MAP3K4: variants seen among roughly 807,000 people sequenced by gnomAD.
MAP3K4 encodes the protein MAP three kinase 1.
A neutral mutation model predicts 185.6 loss-of-function variants in MAP3K4; 67 were observed. The observed-to-expected ratio is 0.36, with a 90% CI of 0.30 to 0.44. The LOEUF (loss-of-function observed/expected upper bound fraction) is 0.44, where lower values mean the gene tolerates loss of function less well. MAP3K4 is among the 20% of genes least tolerant of loss of function. The probability of loss-of-function intolerance (pLI) is 1.00; values close to 1 mark genes in which losing one functional copy is unlikely to be tolerated. For missense variants in MAP3K4, 1,551 were observed against 1,995.1 expected (o/e 0.78, Z 4.24); for synonymous variants, 702 against 710.4 (o/e 0.99, Z 0.19).
In MAP3K4 at chr6:161,098,444, A is replaced by C; in HGVS notation, c.3674+17A>C. 1 of 1,608,800 alleles carries C rather than the reference A, an allele frequency of 6.2e-7. No homozygotes were observed. Among genetic ancestry groups the C allele is most frequent in the Non-Finnish European group, 8.5e-7 (1 of 1,176,600 alleles). ...TGATACCAGGTAGTCTCACCCCACC[A>C]GTGTCCCGTACCCTCACCACCCCTT... On this transcript the variant is annotated intron_variant, in intron 17 of 26. Coordinates refer to ENST00000392142, the MANE Select transcript of MAP3K4 (RefSeq NM_005922.4). This position sits in a 1 kb window ranked among gnomAD's most constrained non-coding sequence, Gnocchi z 4.4.
At position 161,080,913 on chromosome 6, in the gene MAP3K4, A is replaced by G. The variant is rs112495675; in HGVS notation, c.2130A>G (p.Gln710=). The G allele has an allele frequency of 6.2e-7, 1 of 1,614,108 alleles. No individual in the cohort carries two copies. The highest frequency in any genetic ancestry group is 1.1e-5 in the South Asian group (1 of 91,072). Residue 710 remains glutamine (Q), a synonymous_variant, in exon 6 of 27, where the codon CAA becomes CAG. Transcript: ENST00000392142. This position sits in a 1 kb window ranked among gnomAD's most constrained non-coding sequence, Gnocchi z 4.8. The stretch of plus-strand genomic sequence containing the variant: ...TTGATTACATGAGAAGCTGGATCCA[A>G]ATGCTACAGCAATTACCTCAAGCAT... ...VYFDYMRSWI[Q]MLQQLPQASH...
chr6:160,997,479 A>C (rs1781052602), intron 1 of MAP3K4, among the ~76,000 whole-genome samples: 1 of 152,250 alleles, frequency 6.6e-6, no homozygotes, highest in Non-Finnish European at 1.5e-5. Context: ...AATAGTGTTT[A>C]GTGACATGTG....
In MAP3K4 at chr6:161,108,712, C is replaced by A. The variant is rs2064295995; in HGVS notation, c.4120-31C>A. On this transcript the variant is annotated intron_variant, in intron 21 of 26. Transcript: ENST00000392142. The surrounding 1 kb of genome is among the most constrained non-coding windows in gnomAD (Gnocchi z 5.7). ...ATAATGTAGAGTGATTAAATCAAGCCAGTTAACATTTTTGTCACCTCACTT... is the reference window on the plus strand; with the variant it reads ...ATAATGTAGAGTGATTAAATCAAGCAAGTTAACATTTTTGTCACCTCACTT... 2 of 1,251,844 alleles carry A rather than the reference C, an allele frequency of 1.6e-6. No individual in the cohort carries two copies. The highest frequency in any genetic ancestry group is 1.7e-5 in the Admixed American group (1 of 59,528). The allele number at this position is 1,251,844 out of a possible 1,614,324, so 77.5% of individuals were successfully genotyped here. A position where few individuals can be genotyped will look rare whatever the true frequency, so the allele number is the denominator to read the frequency against.
rs924216383 is a variant in MAP3K4 at position 161,037,298 on chromosome 6, T to C, written c.343+2849T>C. 2.0e-5 allele frequency among the ~76,000 whole-genome samples: 3 copies of C among 152,110 alleles called. No homozygotes were observed. Among genetic ancestry groups the C allele is most frequent in the East Asian group, 1.9e-4 (1 of 5,192 alleles). ...ACCCGGACTCCAGTCCTGGTTCCGC[T>C]ATCTTCTGCGTATGCAGCCTCCATA... On this transcript the variant is annotated intron_variant, in intron 2 of 26. Coordinates refer to ENST00000392142, the MANE Select transcript of MAP3K4 (RefSeq NM_005922.4). This position sits in a 1 kb window ranked among gnomAD's most constrained non-coding sequence, Gnocchi z 4.2.
chr6:161,113,569 G>A (rs184605680), intron 25 of MAP3K4, among the ~76,000 whole-genome samples: 2 of 152,128 alleles, frequency 1.3e-5, no homozygotes, highest in Admixed American at 1.3e-4. Flanking sequence ...TCTAAAAAAT[G>A]GAGCACACTA....
chr6:161,095,062 C>T (rs1326808849), intron 15 of MAP3K4, among the ~76,000 whole-genome samples: 1 of 152,180 alleles, frequency 6.6e-6, no homozygotes, highest in Non-Finnish European at 1.5e-5. Context: ...ACTCATACTT[C>T]CTGAATCCAA....
In MAP3K4 at chr6:161,077,250, T is replaced by C. The variant is rs983369484; in HGVS notation, c.2098-3631T>C. 1.3e-5 allele frequency among the ~76,000 whole-genome samples: 2 copies of C among 152,162 alleles called. No individual in the cohort carries two copies. The highest frequency in any genetic ancestry group is 4.8e-5 in the African/African-American group (2 of 41,430). ...GAGAGAACAAAGGAGAAACTAACTT[T>C]CTGGTACCTTATTTCTTATTGAAAA... is the stretch of plus-strand genomic sequence containing the variant. On this transcript the variant is annotated intron_variant, in intron 5 of 26. Transcript: ENST00000392142. The surrounding 1 kb of genome is among the most constrained non-coding windows in gnomAD (Gnocchi z 4.3).
chr6:160,998,157 C>T (rs1363499247), intron 1 of MAP3K4, among the ~76,000 whole-genome samples: 1 of 152,158 alleles, frequency 6.6e-6, no homozygotes, highest in East Asian at 1.9e-4. Context: ...CAGGTGCGCA[C>T]CACCACACTG....
In MAP3K4 at chr6:161,084,874, C is replaced by T. The variant is rs868027961; in HGVS notation, c.2372+257C>T. 1.3e-5 allele frequency among the ~76,000 whole-genome samples: 2 copies of T among 152,098 alleles called. No individual in the cohort carries two copies. The highest frequency in any genetic ancestry group is 1.9e-4 in the East Asian group (1 of 5,196). ...AAAAATAGTGCCAACTGGCTGGGCGCGGTGGCTCACGCCTGTAATCCCAGT... is the reference window on the plus strand; with the variant it reads ...AAAAATAGTGCCAACTGGCTGGGCGTGGTGGCTCACGCCTGTAATCCCAGT... On this transcript the variant is annotated intron_variant, in intron 7 of 26. Coordinates refer to ENST00000392142, the MANE Select transcript of MAP3K4 (RefSeq NM_005922.4). The surrounding 1 kb of genome is among the most constrained non-coding windows in gnomAD (Gnocchi z 4.6).
chr6:161,083,876 T>TA (rs1456439898), intron 6 of MAP3K4, among the ~76,000 whole-genome samples: 1 of 152,216 alleles, frequency 6.6e-6, no homozygotes, highest in Non-Finnish European at 1.5e-5. Flanking sequence ...GCCTAGCACT[T>TA]ACCTCCTGCT....
At chr6:161,004,419 G>T (rs556353917) in intron 1 of MAP3K4, among the ~76,000 whole-genome samples, 23 of 152,284 alleles carry the variant, frequency 1.5e-4, no homozygotes, top group African/African-American at 5.3e-4. Context: ...ACCTAGAGAA[G>T]GCTAAGCATT....
rs1562476928 is a variant in MAP3K4, at chr6:161,007,202, G to A, written c.152+15119G>A. Among the ~76,000 whole-genome samples, 1 of 152,138 alleles carries A rather than the reference G, an allele frequency of 6.6e-6. No individual in the cohort carries two copies. The highest frequency in any genetic ancestry group is 1.5e-5 in the Non-Finnish European group (1 of 68,026). On this transcript the variant is annotated intron_variant, in intron 1 of 26. Transcript: ENST00000392142. This position sits in a 1 kb window ranked among gnomAD's most constrained non-coding sequence, Gnocchi z 4.5. ...TGGGTGGAGTCAACAGGGATCTGAA[G>A]GCAAGGTCTTCATCCTGCTTGAGTC...
At position 161,107,079 on chromosome 6, in the gene MAP3K4, C is replaced by CACACACACAT. The variant is rs10666764; in HGVS notation, c.4048+374_4048+375insACACACACAT. Among the ~76,000 whole-genome samples, 3 of 150,692 alleles carry CACACACACAT rather than the reference C, an allele frequency of 2.0e-5. No individual in the cohort carries two copies. Among genetic ancestry groups the CACACACACAT allele is most frequent in the African/African-American group, 7.5e-5 (3 of 40,238 alleles). On this transcript the variant is annotated intron_variant, in intron 20 of 26. Transcript: ENST00000392142. The surrounding 1 kb of genome is among the most constrained non-coding windows in gnomAD (Gnocchi z 6.2). ...ACACACACACACACACACACACACACGCAGAACGTGATTTGAAGAGAGACT... is the reference window on the plus strand; with the variant it reads ...ACACACACACACACACACACACACACACACACACATGCAGAACGTGATTTGAAGAGAGACT...
In MAP3K4 at chr6:161,087,533, T is replaced by G. The variant is rs763887604; in HGVS notation, c.2557-155T>G. Among the ~76,000 whole-genome samples the G allele has an allele frequency of 1.2e-4, 18 of 152,240 alleles. No individual in the cohort carries two copies. The highest frequency in any genetic ancestry group is 1.8e-4 in the Non-Finnish European group (12 of 68,046). On this transcript the variant is annotated intron_variant, in intron 9 of 26. Transcript: ENST00000392142. This position sits in a 1 kb window ranked among gnomAD's most constrained non-coding sequence, Gnocchi z 4.9. ...CTCCTCCTGCCTCCTTCAGTCACAC[T>G]GAAGCCGGCTACCTGCAGTTCCCTC...
intron 3 of MAP3K4, among the ~76,000 whole-genome samples, chr6:161,066,975 A>T (rs566931502): frequency 4.6e-5 from 7 of 152,342 alleles, no homozygotes; most frequent in Non-Finnish European, 8.8e-5. Flanking sequence ...TTGTTTTCTG[A>T]TATCATTATA....
At chr6:161,052,466 T>G (rs1158140916) in intron 3 of MAP3K4, among the ~76,000 whole-genome samples, 1 of 152,042 alleles carries the variant, frequency 6.6e-6, no homozygotes, top group East Asian at 1.9e-4. Context: ...CTGAAAGACT[T>G]TATTAGAATT....
chr6:161,036,620 C>T (rs1247325418), intron 2 of MAP3K4, among the ~76,000 whole-genome samples: 1 of 152,080 alleles, frequency 6.6e-6, no homozygotes. Context: ...TAAATGGCTG[C>T]TATATCATTT....
In MAP3K4 at chr6:161,049,698, C is replaced by G. The variant is rs760306084; in HGVS notation, c.1426C>G (p.Gln476Glu). 6.2e-7 allele frequency: 1 copy of G among 1,614,174 alleles called. No individual in the cohort carries two copies. The highest frequency in any genetic ancestry group is 1.1e-5 in the South Asian group (1 of 91,082). ...ISDPRVPEIR[Q>E]PIDNSFDIQS... ...TGATCCTAGGGTACCGGAAATCAGA[C>G]AGCCCATAGATAACAGCTTCGACAT... The change falls in exon 3 of 27, where the codon CAG (glutamine) becomes GAG (glutamate). Residue 476 changes from glutamine (Q) to glutamate (E), a missense_variant. By Grantham distance (29) the Gln-to-Glu change is conservative (BLOSUM62 2). This residue lies in a region of MAP3K4 where 126 missense variants were observed against 112.8 expected (regional missense o/e 1.12). Transcript: ENST00000392142. This position sits in a 1 kb window ranked among gnomAD's most constrained non-coding sequence, Gnocchi z 8.4.
Position 161,049,048 on chromosome 6 carries a change from G to C in MAP3K4, c.776G>C (p.Arg259Pro). 6.2e-7 allele frequency: 1 copy of C among 1,613,962 alleles called. No individual in the cohort carries two copies. Among genetic ancestry groups the C allele is most frequent in the Non-Finnish European group, 8.5e-7 (1 of 1,179,862 alleles). Residue 259 changes from arginine (R) to proline (P), a missense_variant, in exon 3 of 27, where the codon CGA becomes CCA. Around this residue, in one of 16 missense-constraint regions of MAP3K4, gnomAD observed 69 missense variants for 124.8 expected, o/e 0.55. Coordinates refer to ENST00000392142, the MANE Select transcript of MAP3K4 (RefSeq NM_005922.4). The surrounding 1 kb of genome is among the most constrained non-coding windows in gnomAD (Gnocchi z 8.4). ...AATACGTCTGGTTTCTGGCTTAACC[G>C]ATCTAACGAACTGATCTGGTTAGAG... is the stretch of plus-strand genomic sequence containing the variant. ...QENTSGFWLN[R>P]SNELIWLELQ...
Sources: gnomAD v4.1 joint callset for allele counts (sites outside exome capture counted in the v4.1 genomes callset) on GRCh38, gnomAD v4.1.1 for gene constraint, gnomAD v4.1.1 regional missense constraint, Gnocchi (gnomAD v3.1) non-coding constraint, MANE v1.5 for transcripts, NCBI Gene and HGNC (gene_info 2026-07-23, HGNC 2026-07-21) for gene names.